Variants in UTRN observed in about 807,000 individuals in gnomAD.
UTRN encodes utrophin.
Under a neutral mutation model 463.9 loss-of-function variants are expected in UTRN, and 283 were observed. The ratio of observed to expected loss-of-function variants is 0.61; its 90% CI spans 0.55 to 0.67. UTRN has a LOEUF of 0.67. UTRN is among the 30% of genes least tolerant of loss of function. The probability of loss-of-function intolerance (pLI) is 0.00; values close to 1 mark genes in which losing one functional copy is unlikely to be tolerated. For synonymous variants in UTRN, 1,442 were observed against 1,431.5 expected, an observed-to-expected ratio of 1.01 and a Z score of -0.17; for missense variants, 3,922 against 4,084.3, an observed-to-expected ratio of 0.96 and a Z score of 1.08.
intron 58 of UTRN, among the ~76,000 whole-genome samples, chr6:144,770,420 T>C (rs917914716): frequency 6.6e-6 from 1 of 152,232 alleles, no homozygotes; most frequent in African/African-American, 2.4e-5. Flanking sequence ...TTTGATTTTA[T>C]GAATGTTGTA....
intron 51 of UTRN, among the ~76,000 whole-genome samples, chr6:144,637,404 A>G (rs1167093432): frequency 6.6e-6 from 1 of 151,400 alleles, no homozygotes; most frequent in Non-Finnish European, 1.5e-5. Flanking sequence ...ATTATAAAAT[A>G]AAATTATAGT....
chr6:144,498,925 G>A (rs1185520685), intron 33 of UTRN, among the ~76,000 whole-genome samples: 1 of 151,944 alleles, frequency 6.6e-6, no homozygotes, highest in African/African-American at 2.4e-5. Flanking sequence ...TGCCTGCCTC[G>A]GCCTCCCAAA....
chr6:144,329,466 G>A (rs1327779510), intron 2 of UTRN, among the ~76,000 whole-genome samples: 1 of 152,186 alleles, frequency 6.6e-6, no homozygotes, highest in Non-Finnish European at 1.5e-5. Context: ...CTGTGAGAGA[G>A]TAGTATTTGC....
At chr6:144,384,818 CTT>C (rs1414422396) in intron 2 of UTRN, among the ~76,000 whole-genome samples, 1 of 152,144 alleles carries the variant, frequency 6.6e-6, no homozygotes, top group African/African-American at 2.4e-5. Context: ...TTTGTGGACA[CTT>C]GGGTTGCTTC....
chr6:144,815,492 A>C (rs1778997177), intron 65 of UTRN, among the ~76,000 whole-genome samples: 2 of 152,346 alleles, frequency 1.3e-5, no homozygotes, highest in South Asian at 4.1e-4. Context: ...CCCAAACCTC[A>C]AAAGTAGAGA....
chr6:144,798,540 C>T (rs1777431862), intron 64 of UTRN, among the ~76,000 whole-genome samples: 1 of 152,212 alleles, frequency 6.6e-6, no homozygotes, highest in South Asian at 2.1e-4. Flanking sequence ...GCCGACAGTG[C>T]AGAGTCTGTG....
At chr6:144,627,637 G>A (rs773918572) in intron 51 of UTRN, among the ~76,000 whole-genome samples, 3 of 151,858 alleles carry the variant, frequency 2.0e-5, no homozygotes, top group Non-Finnish European at 4.4e-5. Flanking sequence ...CCAATCCCTG[G>A]TAATGGCCAC....
At chr6:144,548,143 G>A (rs1380650458) in intron 46 of UTRN, among the ~76,000 whole-genome samples, 2 of 152,026 alleles carry the variant, frequency 1.3e-5, no homozygotes, top group Non-Finnish European at 2.9e-5. Flanking sequence ...GATATTCTTT[G>A]CAAGTTTTTT....
At chr6:144,812,339 C>G (rs750335078) in intron 65 of UTRN, among the ~76,000 whole-genome samples, 1 of 152,074 alleles carries the variant, frequency 6.6e-6, no homozygotes, top group Non-Finnish European at 1.5e-5. Flanking sequence ...TCAAGGATCA[C>G]TTGATTATGA....
At chr6:144,293,406 C>T (rs1299797204) in intron 2 of UTRN, among the ~76,000 whole-genome samples, 1 of 152,072 alleles carries the variant, frequency 6.6e-6, no homozygotes, top group Non-Finnish European at 1.5e-5. Flanking sequence ...CATATAAACT[C>T]CCAAACTATT....
chr6:144,692,134 CAT>C (rs1248371144), intron 52 of UTRN, among the ~76,000 whole-genome samples: 1 of 152,290 alleles, frequency 6.6e-6, no homozygotes, highest in African/African-American at 2.4e-5. Context: ...TAAGTGAAGA[CAT>C]GTGGTATTTG....
At chr6:144,438,596 C>A in intron 11 of UTRN, 149 bp from the exon 12 acceptor site, 1 of 983,304 alleles carries the variant, frequency 1.0e-6, no homozygotes, top group Non-Finnish European at 1.5e-6. Flanking sequence ...GTTTACTTTC[C>A]TGGCTTCTAT....
At chr6:144,777,621 C>T (rs1775448967) in intron 60 of UTRN, among the ~76,000 whole-genome samples, 1 of 151,788 alleles carries the variant, frequency 6.6e-6, no homozygotes, top group Admixed American at 6.6e-5. Context: ...TTCTGTTTTC[C>T]TTTGTATTTT....
At chr6:144,783,481 C>A (rs1776035057) in intron 61 of UTRN, among the ~76,000 whole-genome samples, 1 of 152,078 alleles carries the variant, frequency 6.6e-6, no homozygotes, top group East Asian at 1.9e-4. Context: ...TTATGAGGTA[C>A]ACAGTGATAT....
At chr6:144,607,232 C>G (rs1804950705) in intron 51 of UTRN, among the ~76,000 whole-genome samples, 1 of 152,172 alleles carries the variant, frequency 6.6e-6, no homozygotes, top group Admixed American at 6.5e-5. Flanking sequence ...CTGTCTTTAA[C>G]AAACTGGATC....
chr6:144,696,434 T>G (rs58413349), intron 52 of UTRN, among the ~76,000 whole-genome samples: 5,111 of 152,242 alleles, frequency 0.034, 299 homozygotes, highest in African/African-American at 0.12. Context: ...AAATTAAAAT[T>G]TAAATAGCCA....
chr6:144,786,763 C>T (rs1489259005), intron 61 of UTRN, among the ~76,000 whole-genome samples: 1 of 152,174 alleles, frequency 6.6e-6, no homozygotes, highest in Non-Finnish European at 1.5e-5. Context: ...TAGACTAAAT[C>T]ACTAATGATA....
intron 51 of UTRN, among the ~76,000 whole-genome samples, chr6:144,632,499 G>A (rs1333505260): frequency 2.0e-5 from 3 of 152,024 alleles, no homozygotes; most frequent in Non-Finnish European, 2.9e-5. Flanking sequence ...TGAAATAATA[G>A]CAAACATGAC....
At chr6:144,752,296 ATTT>A (rs375168967) in intron 56 of UTRN, among the ~76,000 whole-genome samples, 5 of 149,226 alleles carry the variant, frequency 3.4e-5, no homozygotes, top group Non-Finnish European at 7.4e-5. Context: ...TTCATCATGT[ATTT>A]TTTTTTTCAT....
Sources: allele counts gnomAD v4.1 joint callset (sites outside exome capture counted in the v4.1 genomes callset), GRCh38; gene constraint gnomAD v4.1.1; transcripts MANE v1.5; gene names NCBI Gene and HGNC (gene_info 2026-07-23, HGNC 2026-07-21).